The following HIP1 variants were observed in gnomAD, a reference collection of about 807,000 sequenced individuals.
HIP1 encodes huntingtin-interacting protein 1.
In HIP1, 65 loss-of-function variants were observed where a neutral mutation model predicts 147.6. The observed-to-expected ratio is 0.44, with a 90% CI of 0.36 to 0.54. HIP1 has a LOEUF of 0.54. Ranked by LOEUF, HIP1 falls within the 20% of genes least tolerant of loss-of-function variation. HIP1 has a pLI of 0.00. For missense variants in HIP1, 1,061 were observed against 1,299.6 expected (o/e 0.82, Z 2.82); for synonymous variants, 479 against 504.0 (o/e 0.95, Z 0.67).
chr7:75,641,436 A>AT (rs1798651486), intron 1 of HIP1, among the ~76,000 whole-genome samples: 1 of 143,322 alleles, frequency 7.0e-6, no homozygotes, highest in African/African-American at 2.6e-5. Context: ...CCTCTATTTT[A>AT]TTTGTTTTTT....
chr7:75,580,604 G>A (rs1796004165), intron 7 of HIP1, among the ~76,000 whole-genome samples: 1 of 152,146 alleles, frequency 6.6e-6, no homozygotes, highest in Non-Finnish European at 1.5e-5. Context: ...GCCAGATGTG[G>A]TGGTGCGTGC....
intron 1 of HIP1, among the ~76,000 whole-genome samples, chr7:75,624,633 G>A (rs1267520124): frequency 6.6e-5 from 10 of 152,104 alleles, no homozygotes; most frequent in Admixed American, 2.0e-4. Context: ...CAGGGCTTAC[G>A]AGGAAACTGC....
At position 75,586,719 on chromosome 7, in the gene HIP1, G is replaced by A. The variant is rs781968441; in HGVS notation, c.465+34C>T. 4 of 1,375,228 alleles carry A rather than the reference G, an allele frequency of 2.9e-6. No individual in the cohort carries two copies. In the South Asian group the frequency reaches 3.5e-5, roughly 12 times the overall value. The allele number at this position is 1,375,228 out of a possible 1,614,324, so 85.2% of individuals were successfully genotyped here. A position where few individuals can be genotyped will look rare whatever the true frequency, so the allele number is the denominator to read the frequency against. On this transcript the variant is annotated intron_variant, in intron 5 of 30. Transcript: ENST00000336926. ...GCTGAAGGGATGGAGCAGGGGAGGC[G>A]GCGGTGGCGGCAGAACTGTCCGCAG...
chr7:75,688,383 C>T (rs1218627019), intron 1 of HIP1, among the ~76,000 whole-genome samples: 4 of 151,468 alleles, frequency 2.6e-5, no homozygotes, highest in Non-Finnish European at 5.9e-5. Flanking sequence ...GGGGGCGCGC[C>T]GGGTCCGGGC....
chr7:75,659,011 A>T (rs1396085365), intron 1 of HIP1, among the ~76,000 whole-genome samples: 3 of 152,228 alleles, frequency 2.0e-5, no homozygotes, highest in Admixed American at 6.5e-5. Context: ...GTACAGTGAA[A>T]TTCCAATGAC....
chr7:75,713,117 A>G (rs1161657508), intron 1 of HIP1, among the ~76,000 whole-genome samples: 3 of 152,210 alleles, frequency 2.0e-5, no homozygotes, highest in African/African-American at 7.2e-5. Flanking sequence ...CCATCCCTGA[A>G]AAGGGCCCTT....
intron 1 of HIP1, among the ~76,000 whole-genome samples, chr7:75,680,306 G>C (rs1294442449): frequency 2.0e-5 from 3 of 152,026 alleles, no homozygotes; most frequent in African/African-American, 7.2e-5. Flanking sequence ...GCCTCCCAAA[G>C]TGCTAGGATT....
intron 1 of HIP1, among the ~76,000 whole-genome samples, chr7:75,652,114 G>A (rs546594916): frequency 5.3e-4 from 80 of 151,670 alleles, no homozygotes; most frequent in African/African-American, 1.9e-3. Context: ...TCAGGAGTTT[G>A]AGACCAGCCT....
chr7:75,695,107 G>A (rs1193409374), intron 1 of HIP1, among the ~76,000 whole-genome samples: 1 of 152,136 alleles, frequency 6.6e-6, no homozygotes, highest in Non-Finnish European at 1.5e-5. Flanking sequence ...TTATACATCA[G>A]CTGATCCTTG....
At chr7:75,721,771 G>C (rs74710932) in intron 1 of HIP1, among the ~76,000 whole-genome samples, 362 of 152,158 alleles carry the variant, frequency 2.4e-3, no homozygotes, top group Non-Finnish European at 3.5e-3. Flanking sequence ...CAGTTCTTCT[G>C]GGGGGGCAAA....
chr7:75,558,068 A>G (rs983400710), intron 15 of HIP1, 99 bp downstream of exon 15: 50 of 913,748 alleles, frequency 5.5e-5, no homozygotes, highest in Non-Finnish European at 8.7e-5. Context: ...TTAGAGATCA[A>G]TGTAGGGGTT....
chr7:75,616,817 GTCC>G (rs1255350382), intron 1 of HIP1, among the ~76,000 whole-genome samples: 1 of 152,170 alleles, frequency 6.6e-6, no homozygotes, highest in Non-Finnish European at 1.5e-5. Context: ...CTGAGCCTGT[GTCC>G]TCCTCCTCAT....
chr7:75,604,471 C>T (rs1797139814), intron 1 of HIP1, among the ~76,000 whole-genome samples: 1 of 151,990 alleles, frequency 6.6e-6, no homozygotes, highest in Non-Finnish European at 1.5e-5. Context: ...GACAGGAGTT[C>T]AAGACCAGCC....
intron 1 of HIP1, among the ~76,000 whole-genome samples, chr7:75,640,073 T>TC (rs1554510260): frequency 6.6e-6 from 1 of 152,108 alleles, no homozygotes; most frequent in Admixed American, 6.5e-5. Flanking sequence ...AGGCAGACAT[T>TC]CCCCTCTGCA....
chr7:75,668,161 C>T (rs1013144868), intron 1 of HIP1, among the ~76,000 whole-genome samples: 4 of 152,156 alleles, frequency 2.6e-5, no homozygotes, highest in African/African-American at 9.7e-5. Flanking sequence ...GCTCATAAAC[C>T]CTTTTTGGCA....
chr7:75,617,982 G>A (rs1157662190), intron 1 of HIP1, among the ~76,000 whole-genome samples: 1 of 152,208 alleles, frequency 6.6e-6, no homozygotes, highest in Non-Finnish European at 1.5e-5. Flanking sequence ...AGACTGGAGT[G>A]GCCTTTCGTA....
At chr7:75,639,592 T>TGTGTGTGTGTGC (rs879990782) in intron 1 of HIP1, among the ~76,000 whole-genome samples, 2 of 148,624 alleles carry the variant, frequency 1.3e-5, no homozygotes, top group African/African-American at 2.5e-5. Flanking sequence ...TGTGTGTGTG[T>TGTGTGTGTGTGC]GCGCCCGCGT....
rs1554500915 is a variant in HIP1, at chr7:75,592,132, G to A, written c.328-20C>T. On this transcript the variant is annotated intron_variant, in intron 3 of 30. Coordinates refer to ENST00000336926, the MANE Select transcript of HIP1 (RefSeq NM_005338.7). ...CAGGACCTGCAGGGGCAAAAGAACA[G>A]CCTGTGAGAGAATGGAGAAGGAAAG... is the stretch of plus-strand genomic sequence containing the variant. 4 of 1,606,850 alleles carry A rather than the reference G, an allele frequency of 2.5e-6. No individual in the cohort carries two copies. In the East Asian group the frequency reaches 8.9e-5, roughly 36 times the overall value.
At chr7:75,581,581 C>A (rs1167994639) in intron 6 of HIP1, among the ~76,000 whole-genome samples, 1 of 152,098 alleles carries the variant, frequency 6.6e-6, no homozygotes, top group African/African-American at 2.4e-5. Flanking sequence ...GAGTTCAAGA[C>A]CAGCCTGGCC....
Sources: gnomAD v4.1 joint callset for allele counts (sites outside exome capture counted in the v4.1 genomes callset) on GRCh38, gnomAD v4.1.1 for gene constraint, MANE v1.5 for transcripts, NCBI Gene and HGNC (gene_info 2026-07-23, HGNC 2026-07-21) for gene names.